The following PTPRB variants were observed in gnomAD, a reference collection of about 807,000 sequenced individuals.
PTPRB encodes protein tyrosine phosphatase receptor type B.
PTPRB carries 97 observed loss-of-function variants against 238.1 expected under a neutral mutation model. The observed-to-expected ratio is 0.41, with a 90% CI of 0.35 to 0.48. The LOEUF (loss-of-function observed/expected upper bound fraction) is 0.48, where lower values mean the gene tolerates loss of function less well. Ranked by LOEUF, PTPRB falls within the 20% of genes least tolerant of loss-of-function variation. PTPRB has a pLI of 0.30. For missense variants in PTPRB, 2,292 were observed against 2,681.9 expected (o/e 0.85, Z 3.21); for synonymous variants, 970 against 995.4 (o/e 0.97, Z 0.48).
rs182138703 is a variant in PTPRB, at chr12:70,588,824, A to T, written c.2050+1140T>A. On this transcript the variant is annotated intron_variant, in intron 8 of 33. Transcript: ENST00000334414. The stretch of plus-strand genomic sequence containing the variant: ...AAAAATTAGCTGAGCCTGGTGGCAC[A>T]CGCCTGTAATCCCAGATACTTGGGA... 1.3e-3 allele frequency among the ~76,000 whole-genome samples: 202 copies of T among 151,870 alleles called. 1 individual carries two copies. The highest frequency in any genetic ancestry group is 2.5e-3 in the Non-Finnish European group (169 of 67,964).
At chr12:70,542,333 A>G (rs1875263806) in intron 22 of PTPRB, 1 of 152,164 alleles carries the variant, frequency 6.6e-6, no homozygotes. Flanking sequence ...TAATCCCAGC[A>G]TTTTGGGAGG....
intron 6 of PTPRB, 118 bp from the exon 7 acceptor site, chr12:70,592,663 A>G: frequency 9.0e-7 from 1 of 1,107,968 alleles, no homozygotes; most frequent in Non-Finnish European, 1.3e-6. Flanking sequence ...GGAGAAAACA[A>G]GCACTTCAAG....
intron 8 of PTPRB, 32 bp downstream of exon 8, chr12:70,589,932 C>T: frequency 6.3e-7 from 1 of 1,595,972 alleles, no homozygotes; most frequent in Non-Finnish European, 8.5e-7. Context: ...AATTACTCTT[C>T]CATTGGTATT....
chr12:70,612,667 T>TA (rs11448103), intron 3 of PTPRB, among the ~76,000 whole-genome samples: 27,883 of 146,656 alleles, frequency 0.19, 3,272 homozygotes, highest in East Asian at 0.36. Flanking sequence ...GCAGCTGTCT[T>TA]AAAAAAAAAA....
Position 70,538,228 on chromosome 12 carries a change from T to C in PTPRB, c.5873A>G (p.Asp1958Gly). 1 of 1,613,126 alleles carries C rather than the reference T, an allele frequency of 6.2e-7. No homozygotes were observed. The highest frequency in any genetic ancestry group is 1.7e-5 in the Admixed American group (1 of 59,852). Residue 1958 changes from aspartate (D) to glycine (G), a missense_variant, in exon 28 of 34, where the codon GAT (aspartate) becomes GGT (glycine). Physicochemically the swap from Asp to Gly is moderately conservative, Grantham distance 94 (BLOSUM62 -1). Around this residue, in one of 4 missense-constraint regions of PTPRB, gnomAD observed 397 missense variants for 502.0 expected, o/e 0.79. Coordinates refer to ENST00000334414, the MANE Select transcript of PTPRB (RefSeq NM_001109754.4). ...ATTGGAGAGCTTCACTCGCGTGGCA[T>C]CATCTGGAAGGAGAGATTTGCTGCT... ...KNRYNNILPY[D>G]ATRVKLSNVD...
Position 70,571,235 on chromosome 12 carries a change from T to C in PTPRB, c.3161A>G (p.His1054Arg). The C allele has an allele frequency of 6.2e-7, 1 of 1,612,246 alleles. No homozygotes were observed. The highest frequency in any genetic ancestry group is 8.5e-7 in the Non-Finnish European group (1 of 1,178,316). ...CCCATTAGCTCCTGACCAAGTCACA[T>C]GCAAGTCCTCAGTGCTCCTGTTGCG... Reference protein sequence around the residue: ...TLRNRSTEDLHVTWSGANGDV... With the variant: ...TLRNRSTEDLRVTWSGANGDV... Residue 1054 changes from histidine (H) to arginine (R), a missense_variant, in exon 13 of 34, where the codon CAT becomes CGT. Around this residue, in one of 4 missense-constraint regions of PTPRB, gnomAD observed 1,205 missense variants for 1,287.8 expected, o/e 0.94. Transcript: ENST00000334414.
chr12:70,593,048 C>T (rs1161057699), intron 6 of PTPRB, among the ~76,000 whole-genome samples: 2 of 150,042 alleles, frequency 1.3e-5, no homozygotes, highest in South Asian at 2.1e-4. Context: ...GTAAATAGAT[C>T]GATCAATTGA....
rs1031352574 is a variant in PTPRB at position 70,590,194 on chromosome 12, C to A, written c.1820G>T (p.Gly607Val). Residue 607 changes from glycine to valine, a missense_variant, in exon 8 of 34, where the codon GGC (glycine) becomes GTC (valine). Transcript: ENST00000334414. The part of the protein sequence containing the change: ...KVANLEANNN[G>V]RMRSLVVSWS... ...GCTCACTACAAGAGACCTCATCCTG[C>A]CATTATTGTTTGCCTCCAGGTTTGC... 2 of 1,586,378 alleles carry A rather than the reference C, an allele frequency of 1.3e-6. No individual in the cohort carries two copies. Among genetic ancestry groups the A allele is most frequent in the Non-Finnish European group, 1.7e-6 (2 of 1,164,642 alleles).
chr12:70,530,891 A>AT (rs35990548), intron 32 of PTPRB, among the ~76,000 whole-genome samples: 9,146 of 152,032 alleles, frequency 0.06, 909 homozygotes, highest in African/African-American at 0.21. Flanking sequence ...TGTTTTGTAT[A>AT]TTTTTTCAAA....
chr12:70,565,675 C>T (rs1447237493), intron 15 of PTPRB, among the ~76,000 whole-genome samples: 2 of 152,164 alleles, frequency 1.3e-5, no homozygotes, highest in African/African-American at 4.8e-5. Flanking sequence ...TCAACATAAC[C>T]ATCCCCGCCT....
rs748430018 is a variant in PTPRB, at chr12:70,637,345, G to A, written c.51C>T (p.Asn17=). ...CACTGAGGCAGACCCACTCACCTGA[G>A]TTCCTGAAGATCAAGCAGGTAAGAA... ...MVILTCLIFR[N]SEGFQIVHVQ... Residue 17 remains asparagine, a synonymous_variant, in exon 1 of 34, where the codon AAC becomes AAT. Transcript: ENST00000334414. The A allele has an allele frequency of 1.9e-6, 3 of 1,606,492 alleles. No individual in the cohort carries two copies. In the South Asian group the frequency reaches 3.4e-5, roughly 18 times the overall value.
intron 6 of PTPRB, among the ~76,000 whole-genome samples, chr12:70,594,075 A>C (rs1008931856): frequency 6.6e-6 from 1 of 152,160 alleles, no homozygotes; most frequent in African/African-American, 2.4e-5. Context: ...AAATTTTGGA[A>C]ATGACTGTCA....
chr12:70,628,017 A>G (rs1271126876), intron 2 of PTPRB, among the ~76,000 whole-genome samples: 1 of 152,154 alleles, frequency 6.6e-6, no homozygotes, highest in African/African-American at 2.4e-5. Flanking sequence ...CCAAATCACT[A>G]CAACTAAACA....
At chr12:70,580,091 A>AT (rs1278494538) in intron 10 of PTPRB, among the ~76,000 whole-genome samples, 3 of 151,614 alleles carry the variant, frequency 2.0e-5, no homozygotes, top group African/African-American at 7.2e-5. Context: ...ATATATATTA[A>AT]TTTTTTATGT....
chr12:70,600,807 C>T (rs1883409700), intron 4 of PTPRB, among the ~76,000 whole-genome samples: 1 of 152,040 alleles, frequency 6.6e-6, no homozygotes, highest in African/African-American at 2.4e-5. Flanking sequence ...GTGATTCTCC[C>T]ACCTCAGCCT....
At chr12:70,524,877 GTATATATGTA>G (rs1196502962) in intron 32 of PTPRB, among the ~76,000 whole-genome samples, 3 of 141,878 alleles carry the variant, frequency 2.1e-5, no homozygotes, top group Non-Finnish European at 3.2e-5. Flanking sequence ...ATATATGTGT[GTATATATGTA>G]TATATGTGTA....
intron 32 of PTPRB, among the ~76,000 whole-genome samples, chr12:70,531,279 T>C (rs183439348): frequency 6.6e-6 from 1 of 151,676 alleles, no homozygotes; most frequent in Non-Finnish European, 1.5e-5. Flanking sequence ...CAGAAGCATG[T>C]AGAACTTTTT....
intron 18 of PTPRB, among the ~76,000 whole-genome samples, chr12:70,557,656 A>G (rs1387876959): frequency 1.3e-5 from 2 of 151,978 alleles, no homozygotes; most frequent in African/African-American, 2.4e-5. Context: ...TAGTCTATCA[A>G]CCCCCATTTG....
intron 11 of PTPRB, 82 bp from the exon 12 acceptor site, chr12:70,572,169 A>G (rs1880142053): frequency 7.4e-7 from 1 of 1,346,510 alleles, no homozygotes; most frequent in Admixed American, 2.2e-5. Flanking sequence ...GGGACAATAA[A>G]AAGAGAGAGT....
Sources: gnomAD v4.1 joint callset for allele counts (sites outside exome capture counted in the v4.1 genomes callset) on GRCh38, gnomAD v4.1.1 for gene constraint, gnomAD v4.1.1 regional missense constraint, MANE v1.5 for transcripts, NCBI Gene and HGNC (gene_info 2026-07-23, HGNC 2026-07-21) for gene names.